FGF12: variants seen among roughly 807,000 people sequenced by gnomAD.
FGF12 encodes fibroblast growth factor 12B.
In FGF12, 14 loss-of-function variants were observed where a neutral mutation model predicts 23.6. The ratio of observed to expected loss-of-function variants is 0.59; its 90% CI spans 0.39 to 0.93. The LOEUF (loss-of-function observed/expected upper bound fraction) is 0.93. FGF12 is among the 40% of genes least tolerant of loss of function. The pLI, the probability that FGF12 is intolerant of heterozygous loss-of-function variation, is 0.00. For missense variants in FGF12, 175 were observed against 217.8 expected (o/e 0.80, Z 1.24); for synonymous variants, 62 against 77.3 (o/e 0.80, Z 1.04).
chr3:192,410,302 T>A (rs1223085545), intron 2 of FGF12, among the ~76,000 whole-genome samples: 1 of 151,840 alleles, frequency 6.6e-6, no homozygotes, highest in Non-Finnish European at 1.5e-5. Context: ...CTGTGTCTTC[T>A]GTCTCTCCCC....
rs78977084 is a variant in FGF12 at position 192,217,509 on chromosome 3, G to A, written c.229-46853C>T. Among the ~76,000 whole-genome samples the A allele has an allele frequency of 8.5e-5, 13 of 152,222 alleles. No homozygotes were observed. The East Asian group carries it at 9.7e-4, about 11-fold the overall frequency. On this transcript the variant is annotated intron_variant, in intron 4 of 5. Transcript: ENST00000445105. ...TCTTTATTAGAGAGCAAAGAGGAACGTAGACAACAAAATAAAAACACATGG... is the reference window on the plus strand; with the variant it reads ...TCTTTATTAGAGAGCAAAGAGGAACATAGACAACAAAATAAAAACACATGG...
chr3:192,251,331 A>G (rs1711995712), intron 4 of FGF12, among the ~76,000 whole-genome samples: 1 of 152,166 alleles, frequency 6.6e-6, no homozygotes, highest in African/African-American at 2.4e-5. Context: ...TGCTTTAGTC[A>G]TGCTGTGTAT....
intron 2 of FGF12, among the ~76,000 whole-genome samples, chr3:192,538,212 C>T (rs925249631): frequency 1.2e-4 from 18 of 151,852 alleles, no homozygotes; most frequent in Admixed American, 6.6e-5. Context: ...CCTCCCAAAG[C>T]GCTGGGATTA....
At chr3:192,649,353 C>T (rs1716127492) in intron 2 of FGF12, among the ~76,000 whole-genome samples, 1 of 152,102 alleles carries the variant, frequency 6.6e-6, no homozygotes, top group Admixed American at 6.6e-5. Flanking sequence ...GCTAGGCCCT[C>T]CCAAAGTGCA....
At chr3:192,472,036 G>C (rs1184460267) in intron 2 of FGF12, among the ~76,000 whole-genome samples, 1 of 152,156 alleles carries the variant, frequency 6.6e-6, no homozygotes, top group African/African-American at 2.4e-5. Flanking sequence ...TTTGTGTTTT[G>C]AGATGGAGTC....
intron 4 of FGF12, among the ~76,000 whole-genome samples, chr3:192,219,746 T>C (rs1177261030): frequency 6.6e-6 from 1 of 152,212 alleles, no homozygotes; most frequent in Non-Finnish European, 1.5e-5. Flanking sequence ...TAAATGTGCA[T>C]GTGATTCTGA....
intron 2 of FGF12, among the ~76,000 whole-genome samples, chr3:192,555,648 AAAGGCC>A (rs1711735359): frequency 6.6e-6 from 1 of 150,584 alleles, no homozygotes; most frequent in East Asian, 2.0e-4. Flanking sequence ...AAAAAAAAAA[AAAGGCC>A]AGGTGTAGTG....
At chr3:192,439,650 G>T (rs1722134765) in intron 2 of FGF12, among the ~76,000 whole-genome samples, 1 of 152,136 alleles carries the variant, frequency 6.6e-6, no homozygotes, top group African/African-American at 2.4e-5. Flanking sequence ...ATGGGAAATT[G>T]CATCTGTGAG....
At chr3:192,225,347 T>A (rs1718678936) in intron 4 of FGF12, among the ~76,000 whole-genome samples, 1 of 152,100 alleles carries the variant, frequency 6.6e-6, no homozygotes, top group Non-Finnish European at 1.5e-5. Flanking sequence ...CTGACTTTTA[T>A]AATCATCTCG....
chr3:192,633,489 C>G (rs1025213817), intron 2 of FGF12, among the ~76,000 whole-genome samples: 2 of 152,166 alleles, frequency 1.3e-5, no homozygotes, highest in South Asian at 2.1e-4. Context: ...TTCATCACTA[C>G]GGAAGAGTTA....
intron 2 of FGF12, among the ~76,000 whole-genome samples, chr3:192,378,187 T>C (rs1214502890): frequency 6.7e-6 from 1 of 149,362 alleles, no homozygotes; most frequent in Admixed American, 6.6e-5. Flanking sequence ...CACAGCTCAC[T>C]GCAGCTTCGA....
chr3:192,322,675 G>C (rs754405410), intron 4 of FGF12, among the ~76,000 whole-genome samples: 7 of 152,056 alleles, frequency 4.6e-5, no homozygotes, highest in Admixed American at 6.5e-5. Flanking sequence ...GAACAGAATA[G>C]AGAACCCAGA....
chr3:192,263,638 T>C (rs1349844481), intron 4 of FGF12, among the ~76,000 whole-genome samples: 1 of 151,904 alleles, frequency 6.6e-6, no homozygotes, highest in Non-Finnish European at 1.5e-5. Context: ...TAATGCTCCA[T>C]GAAGTTCTCA....
chr3:192,312,239 C>A (rs1162579463), intron 4 of FGF12, among the ~76,000 whole-genome samples: 2 of 151,984 alleles, frequency 1.3e-5, no homozygotes, highest in Admixed American at 1.3e-4. Context: ...ACTGCTTAAT[C>A]CAAGGTCATA....
chr3:192,380,327 G>T (rs1458694063), intron 2 of FGF12, among the ~76,000 whole-genome samples: 3 of 152,008 alleles, frequency 2.0e-5, no homozygotes, highest in African/African-American at 4.8e-5. Context: ...ACTTAATATT[G>T]GTTGTGAGAT....
rs376275029 is a variant in FGF12 at position 192,266,798 on chromosome 3, CCACACA to C, written c.228+68557_228+68562del. On this transcript the variant is annotated intron_variant, in intron 4 of 5. Transcript: ENST00000445105. Reference sequence around the variant, plus strand: ...AGTCAATTTGCTCTATCTTTAAACACCACACACACACACACACACACACACATACAC... The same window carrying C: ...AGTCAATTTGCTCTATCTTTAAACACCACACACACACACACACACATACAC... Among the ~76,000 whole-genome samples, 334 of 146,800 alleles carry C rather than the reference CCACACA, an allele frequency of 2.3e-3. 1 individual carries two copies. Among genetic ancestry groups the C allele is most frequent in the African/African-American group, 5.6e-3 (226 of 40,368 alleles).
chr3:192,359,172 CTG>C (rs1212006050), intron 3 of FGF12, among the ~76,000 whole-genome samples: 1 of 152,086 alleles, frequency 6.6e-6, no homozygotes, highest in African/African-American at 2.4e-5. Flanking sequence ...AGCAAAAAAT[CTG>C]AGAGCAAGAA....
chr3:192,177,832 G>T (rs1220085676), intron 4 of FGF12, among the ~76,000 whole-genome samples: 1 of 152,154 alleles, frequency 6.6e-6, no homozygotes, highest in African/African-American at 2.4e-5. Context: ...CTCAGAGAAA[G>T]CTCCCTTGAC....
chr3:192,197,327 A>G (rs1042157796), intron 4 of FGF12, among the ~76,000 whole-genome samples: 2 of 152,154 alleles, frequency 1.3e-5, no homozygotes, highest in African/African-American at 4.8e-5. Context: ...TTCTGTACTC[A>G]TTTTTAAAGA....
Sources: gnomAD v4.1 joint callset for allele counts (sites outside exome capture counted in the v4.1 genomes callset) on GRCh38, gnomAD v4.1.1 for gene constraint, MANE v1.5 for transcripts, NCBI Gene and HGNC (gene_info 2026-07-23, HGNC 2026-07-21) for gene names.